SIPA1L2: variants seen among roughly 807,000 people sequenced by gnomAD.
SIPA1L2 encodes signal-induced proliferation-associated 1-like protein 2.
A neutral mutation model predicts 163.9 loss-of-function variants in SIPA1L2; 56 were observed. That is an observed-to-expected ratio of 0.34 (90% CI 0.28 to 0.43). The LOEUF (loss-of-function observed/expected upper bound fraction) is 0.43. Ranked by LOEUF, SIPA1L2 falls within the 20% of genes least tolerant of loss-of-function variation. The pLI is 1.00. For missense variants in SIPA1L2, 1,974 were observed against 2,193.5 expected (o/e 0.90, Z 2.00); for synonymous variants, 877 against 865.7 (o/e 1.01, Z -0.23).
At chr1:232,414,040 G>A (rs558234890) in intron 19 of SIPA1L2, among the ~76,000 whole-genome samples, 1 of 152,308 alleles carries the variant, frequency 6.6e-6, no homozygotes, top group African/African-American at 2.4e-5. Context: ...TAGACCACCA[G>A]CCTGGGGCTT....
intron 3 of SIPA1L2, among the ~76,000 whole-genome samples, chr1:232,511,529 T>TA (rs1308303695): frequency 6.6e-6 from 1 of 152,182 alleles, no homozygotes; most frequent in East Asian, 1.9e-4. Flanking sequence ...GAATTATTAA[T>TA]AATCACAATT....
At chr1:232,606,364 T>C (rs574495679) in intron 1 of SIPA1L2, among the ~76,000 whole-genome samples, 1 of 152,220 alleles carries the variant, frequency 6.6e-6, no homozygotes, top group African/African-American at 2.4e-5. Flanking sequence ...TCAAAAAGCA[T>C]AGTACCAAAG....
intron 2 of SIPA1L2, among the ~76,000 whole-genome samples, chr1:232,564,804 T>C (rs1387926805): frequency 6.6e-6 from 1 of 151,952 alleles, no homozygotes; most frequent in Non-Finnish European, 1.5e-5. Context: ...AAGTAATAAA[T>C]AATAAGTGTA....
chr1:232,424,682 T>G (rs1462923105), intron 18 of SIPA1L2, among the ~76,000 whole-genome samples: 1 of 152,150 alleles, frequency 6.6e-6, no homozygotes, highest in Non-Finnish European at 1.5e-5. Context: ...CTTAAAGAAG[T>G]AGATTAAGAA....
At chr1:232,484,918 C>A (rs148134904) in intron 5 of SIPA1L2, among the ~76,000 whole-genome samples, 3 of 152,180 alleles carry the variant, frequency 2.0e-5, no homozygotes, top group African/African-American at 7.2e-5. Flanking sequence ...TAAAACAGAA[C>A]CTTTAATCAA....
chr1:232,461,118 C>G lies in SIPA1L2; in HGVS notation c.2864G>C (p.Arg955Thr). 6.2e-7 allele frequency: 1 copy of G among 1,614,278 alleles called. No individual in the cohort carries two copies. The highest frequency in any genetic ancestry group is 8.5e-7 in the Non-Finnish European group (1 of 1,180,046). ...GCETVEMTLR[R>T]NGLGQLGFHV... ...GAAGCCAAGCTGGCCCAGCCCGTTC[C>G]TCCTCAGGGTCATTTCCACAGTCTC... Residue 955 changes from arginine (R) to threonine (T), a missense_variant, in exon 10 of 23, where the codon AGG (arginine) becomes ACG (threonine). By Grantham distance (71) the Arg-to-Thr change is moderately conservative. Around this residue, in one of 3 missense-constraint regions of SIPA1L2, gnomAD observed 1,079 missense variants for 1,150.7 expected, o/e 0.94. Transcript: ENST00000674635.
chr1:232,400,817 C>T (rs1660292899), intron 22 of SIPA1L2, among the ~76,000 whole-genome samples: 1 of 152,154 alleles, frequency 6.6e-6, no homozygotes, highest in African/African-American at 2.4e-5. Context: ...TCAACCCCCA[C>T]TCCCATGACC....
intron 18 of SIPA1L2, among the ~76,000 whole-genome samples, chr1:232,422,885 T>G (rs1464563317): frequency 6.6e-6 from 1 of 152,222 alleles, no homozygotes; most frequent in African/African-American, 2.4e-5. Context: ...GGTATCTTCT[T>G]AGAGAGGGTC....
intron 2 of SIPA1L2, among the ~76,000 whole-genome samples, chr1:232,538,265 ATCAC>A (rs1657430901): frequency 6.6e-6 from 1 of 152,142 alleles, no homozygotes; most frequent in South Asian, 2.1e-4. Context: ...ATGCACCAGA[ATCAC>A]TCAGGCATGT....
intron 2 of SIPA1L2, among the ~76,000 whole-genome samples, chr1:232,573,440 T>C (rs1300684608): frequency 2.0e-5 from 3 of 152,160 alleles, no homozygotes; most frequent in Non-Finnish European, 4.4e-5. Flanking sequence ...GGTGCGTGCA[T>C]GTGCCATGTG....
At chr1:232,504,407 G>C (rs185345026) in intron 3 of SIPA1L2, among the ~76,000 whole-genome samples, 1 of 151,788 alleles carries the variant, frequency 6.6e-6, no homozygotes, top group Non-Finnish European at 1.5e-5. Flanking sequence ...GCATGGTGGC[G>C]CATGCCTGTA....
intron 7 of SIPA1L2, among the ~76,000 whole-genome samples, chr1:232,477,434 T>C (rs1241261116): frequency 1.3e-5 from 2 of 152,232 alleles, no homozygotes; most frequent in African/African-American, 4.8e-5. Flanking sequence ...CATTCATTCA[T>C]TATTCATTCA....
intron 2 of SIPA1L2, among the ~76,000 whole-genome samples, chr1:232,572,758 T>TACATAC (rs1558277683): frequency 1.4e-5 from 1 of 69,652 alleles, no homozygotes; most frequent in African/African-American, 4.2e-5. Flanking sequence ...TATATATATA[T>TACATAC]ATATATATAT....
intron 21 of SIPA1L2, 95 bp from the exon 22 acceptor site, chr1:232,402,568 T>C (rs1660410681): frequency 1.0e-6 from 1 of 970,602 alleles, no homozygotes; most frequent in Middle Eastern, 2.3e-4. Context: ...TTCATGTGCT[T>C]AGAGCCCAGC....
At chr1:232,477,524 C>T (rs1302237884) in intron 7 of SIPA1L2, among the ~76,000 whole-genome samples, 1 of 152,170 alleles carries the variant, frequency 6.6e-6, no homozygotes, top group Non-Finnish European at 1.5e-5. Context: ...AAAACAGATA[C>T]AAATCCCAGC....
At chr1:232,571,615 A>G (rs1166684814) in intron 2 of SIPA1L2, among the ~76,000 whole-genome samples, 1 of 152,198 alleles carries the variant, frequency 6.6e-6, no homozygotes, top group Non-Finnish European at 1.5e-5. Context: ...ATGTGATCCC[A>G]GGGTTGGAGG....
At chr1:232,522,958 G>A (rs3902818) in intron 2 of SIPA1L2, among the ~76,000 whole-genome samples, 22,744 of 152,162 alleles carry the variant, frequency 0.15, 1,787 homozygotes, top group Middle Eastern at 0.3. Flanking sequence ...ACCAGTAACT[G>A]ACTGCAGTGT....
intron 19 of SIPA1L2, among the ~76,000 whole-genome samples, chr1:232,410,647 G>T (rs1660897171): frequency 6.6e-6 from 1 of 152,036 alleles, no homozygotes; most frequent in Non-Finnish European, 1.5e-5. Flanking sequence ...GGTATTTGGG[G>T]ATATTCCTGG....
At chr1:232,484,347 A>G (rs1665539351) in intron 5 of SIPA1L2, among the ~76,000 whole-genome samples, 1 of 152,222 alleles carries the variant, frequency 6.6e-6, no homozygotes, top group African/African-American at 2.4e-5. Flanking sequence ...TCGGAAAGAA[A>G]AAAAGGCTAC....
Sources: gnomAD v4.1 joint callset for allele counts (sites outside exome capture counted in the v4.1 genomes callset) on GRCh38, gnomAD v4.1.1 for gene constraint, gnomAD v4.1.1 regional missense constraint, MANE v1.5 for transcripts, NCBI Gene and HGNC (gene_info 2026-07-23, HGNC 2026-07-21) for gene names.